The following DPYD variants were observed in gnomAD, a reference collection of about 807,000 sequenced individuals.
The protein encoded by DPYD is dihydropyrimidine dehydrogenase, also known as dihydropyrimidine dehydrogenase [NADP(+)].
A neutral mutation model predicts 116.2 loss-of-function variants in DPYD; 109 were observed. That is an observed-to-expected ratio of 0.94 (90% CI 0.80 to 1.10). The LOEUF is 1.10. Ranked by LOEUF, DPYD falls within the 50% of genes least tolerant of loss-of-function variation. The pLI, the probability that DPYD is intolerant of heterozygous loss-of-function variation, is 0.00. For missense variants in DPYD, 1,302 were observed against 1,254.5 expected (o/e 1.04, Z -0.57); for synonymous variants, 440 against 432.0 (o/e 1.02, Z -0.23).
At chr1:97,351,781 T>G (rs911011902) in intron 16 of DPYD, among the ~76,000 whole-genome samples, 2 of 151,910 alleles carry the variant, frequency 1.3e-5, no homozygotes, top group Admixed American at 6.6e-5. Context: ...GAAAAGAGAA[T>G]GTTTATAAAA....
At chr1:97,084,719 C>T (rs1207472356) in intron 21 of DPYD, among the ~76,000 whole-genome samples, 1 of 152,122 alleles carries the variant, frequency 6.6e-6, no homozygotes, top group Non-Finnish European at 1.5e-5. Context: ...ACTTTAAATA[C>T]CACGATCATC....
At chr1:97,594,160 A>G (rs987913402) in intron 9 of DPYD, among the ~76,000 whole-genome samples, 7 of 152,180 alleles carry the variant, frequency 4.6e-5, no homozygotes, top group African/African-American at 1.7e-4. Context: ...CAATTACTAT[A>G]ATTTTTTAAA....
intron 5 of DPYD, among the ~76,000 whole-genome samples, chr1:97,700,484 C>T (rs1661536457): frequency 6.6e-6 from 1 of 151,994 alleles, no homozygotes; most frequent in Non-Finnish European, 1.5e-5. Context: ...CTACACTCTA[C>T]AAGTAGGGCA....
At position 97,920,899 on chromosome 1, in the gene DPYD, G is replaced by C. The variant is rs2101728145; in HGVS notation, c.24C>G (p.Asp8Glu). The change falls in exon 1 of 23, where the codon GAC (aspartate) becomes GAG (glutamate). Residue 8 changes from aspartate (D) to glutamate (E), a missense_variant. Physicochemically the swap from Asp to Glu is conservative, Grantham distance 45. Coordinates refer to ENST00000370192, the MANE Select transcript of DPYD (RefSeq NM_000110.4). Reference sequence around the variant, plus strand: ...AAGTCCGTACCTCGATGTCCGCCGAGTCCTTACTGAGCACAGGGGCCATGG... The same window carrying C: ...AAGTCCGTACCTCGATGTCCGCCGACTCCTTACTGAGCACAGGGGCCATGG... MAPVLSKDSADIESILAL... is the reference protein window; with the variant it reads MAPVLSKESADIESILAL... 1.0e-5 allele frequency: 16 copies of C among 1,594,098 alleles called. No individual in the cohort carries two copies. Among genetic ancestry groups the C allele is most frequent in the Non-Finnish European group, 1.3e-5 (15 of 1,170,722 alleles).
chr1:97,655,703 A>G (rs1175165136), intron 8 of DPYD, among the ~76,000 whole-genome samples: 1 of 152,206 alleles, frequency 6.6e-6, no homozygotes, highest in African/African-American at 2.4e-5. Flanking sequence ...TACACAAAGC[A>G]CTGCTGCAGA....
intron 8 of DPYD, among the ~76,000 whole-genome samples, chr1:97,637,132 G>A (rs1657613836): frequency 6.6e-6 from 1 of 152,134 alleles, no homozygotes; most frequent in Admixed American, 6.6e-5. Context: ...CTCCCAGGAA[G>A]AAGACTAAGA....
At chr1:97,238,446 G>GA (rs1662101831) in intron 18 of DPYD, among the ~76,000 whole-genome samples, 2 of 152,026 alleles carry the variant, frequency 1.3e-5, no homozygotes, top group Admixed American at 1.3e-4. Flanking sequence ...TTTCTAGAAG[G>GA]AAAATGAAGG....
At chr1:97,374,744 A>T (rs1245853877) in intron 15 of DPYD, among the ~76,000 whole-genome samples, 1 of 148,562 alleles carries the variant, frequency 6.7e-6, no homozygotes, top group Admixed American at 6.7e-5. Flanking sequence ...AAAAAAAAAA[A>T]AAAAAGTTAT....
rs115469661 is a variant in DPYD, at chr1:97,459,086, G to A, written c.1741-8863C>T. Among the ~76,000 whole-genome samples, 655 of 152,062 alleles carry A rather than the reference G, an allele frequency of 4.3e-3. 7 individuals are homozygous for A. The highest frequency in any genetic ancestry group is 0.015 in the African/African-American group (634 of 41,500). ...AAAAAATTAATATGCTTAAAAATACGAGAGACTTGAATGTATAAATAATGA... is the reference window on the plus strand; with the variant it reads ...AAAAAATTAATATGCTTAAAAATACAAGAGACTTGAATGTATAAATAATGA... On this transcript the variant is annotated intron_variant, in intron 13 of 22. Coordinates refer to ENST00000370192, the MANE Select transcript of DPYD (RefSeq NM_000110.4).
At chr1:97,566,167 T>A (rs1232461293) in intron 11 of DPYD, among the ~76,000 whole-genome samples, 1 of 152,188 alleles carries the variant, frequency 6.6e-6, no homozygotes, top group East Asian at 1.9e-4. Context: ...CTGTGCTTCC[T>A]CGGGAATCTA....
chr1:97,630,406 C>A (rs567749997), intron 8 of DPYD, among the ~76,000 whole-genome samples: 7 of 152,060 alleles, frequency 4.6e-5, no homozygotes, highest in African/African-American at 1.4e-4. Flanking sequence ...TTTCTCCATG[C>A]CTTCTCTCTA....
intron 13 of DPYD, among the ~76,000 whole-genome samples, chr1:97,483,617 C>G (rs925240267): frequency 1.3e-5 from 2 of 151,980 alleles, no homozygotes; most frequent in African/African-American, 4.8e-5. Flanking sequence ...ATGTAACAAA[C>G]CTGGACATCC....
chr1:97,290,288 C>A (rs1270235459), intron 18 of DPYD, among the ~76,000 whole-genome samples: 2 of 151,980 alleles, frequency 1.3e-5, no homozygotes, highest in Non-Finnish European at 2.9e-5. Context: ...TCAATGCCAT[C>A]CCCATCAAGC....
chr1:97,115,114 A>C (rs1407486460), intron 20 of DPYD, among the ~76,000 whole-genome samples: 1 of 152,216 alleles, frequency 6.6e-6, no homozygotes, highest in Non-Finnish European at 1.5e-5. Context: ...CAAAGAAGTC[A>C]TTACTGCTTA....
rs1428344904 is a variant in DPYD at position 97,203,672 on chromosome 1, CCCAA to C, written c.2443-10428_2443-10425del. 1.2e-3 allele frequency among the ~76,000 whole-genome samples: 70 copies of C among 57,944 alleles called. 8 individuals carry two copies. In the East Asian group the frequency reaches 0.022, roughly 19 times the overall value. 38.0% of individuals were successfully genotyped at this position (57,944 alleles called of 152,430 possible). Reference sequence around the variant, plus strand: ...AAAGGATGAGTTCAGACCCCCCCCCCCCAAAAAAAAAAAAAGAGAAAAAGTCTAT... The same window carrying C: ...AAAGGATGAGTTCAGACCCCCCCCCCAAAAAAAAAAAGAGAAAAAGTCTAT... On this transcript the variant is annotated intron_variant, in intron 19 of 22. Transcript: ENST00000370192.
intron 18 of DPYD, among the ~76,000 whole-genome samples, chr1:97,271,896 A>C (rs1469596931): frequency 6.6e-6 from 1 of 152,184 alleles, no homozygotes; most frequent in Non-Finnish European, 1.5e-5. Flanking sequence ...TATATCAATA[A>C]CTGCAGCTTC....
rs752516372 is a variant in DPYD, at chr1:97,549,740, T to C, written c.1344A>G (p.Lys448=). The change falls in exon 12 of 23, where the codon AAA becomes AAG. Residue 448 remains lysine (K), a synonymous_variant. Transcript: ENST00000370192. The part of the protein sequence containing the change: ...FGSVLSDPKV[K]EALSPIKFNR... ...TAAATTTTATAGGGCTCAAGGCTTC[T>C]TTTACTGAAAAAACAAGTGAAAAAC... 3 of 1,613,152 alleles carry C rather than the reference T, an allele frequency of 1.9e-6. No homozygotes were observed. The highest frequency in any genetic ancestry group is 2.5e-6 in the Non-Finnish European group (3 of 1,179,566).
intron 16 of DPYD, among the ~76,000 whole-genome samples, chr1:97,366,843 T>C (rs1410468664): frequency 6.6e-6 from 1 of 152,164 alleles, no homozygotes; most frequent in Non-Finnish European, 1.5e-5. Flanking sequence ...TGTTGTATTT[T>C]ACAAGTGCTG....
intron 4 of DPYD, among the ~76,000 whole-genome samples, chr1:97,725,473 C>A (rs768617867): frequency 5.9e-5 from 9 of 151,400 alleles, no homozygotes; most frequent in Non-Finnish European, 1.3e-4. Context: ...TAGGAAAATC[C>A]AGAGGATCCA....
Sources: allele counts gnomAD v4.1 joint callset (sites outside exome capture counted in the v4.1 genomes callset), GRCh38; gene constraint gnomAD v4.1.1; transcripts MANE v1.5; gene names NCBI Gene and HGNC (gene_info 2026-07-23, HGNC 2026-07-21).